ERBB4: variants seen among roughly 807,000 people sequenced by gnomAD.
ERBB4 encodes receptor tyrosine-protein kinase erbB-4.
Under a neutral mutation model 158.0 loss-of-function variants are expected in ERBB4, and 42 were observed. The ratio of observed to expected loss-of-function variants is 0.27; its 90% CI spans 0.21 to 0.34. ERBB4 has a LOEUF of 0.34. ERBB4 is among the 10% of genes least tolerant of loss of function. The pLI, the probability that ERBB4 is intolerant of heterozygous loss-of-function variation, is 1.00. For synonymous variants in ERBB4, 583 were observed against 558.7 expected, an observed-to-expected ratio of 1.04 and a Z score of -0.61; for missense variants, 1,333 against 1,624.1, an observed-to-expected ratio of 0.82 and a Z score of 3.08.
At chr2:212,189,514 C>T (rs978218337) in intron 1 of ERBB4, among the ~76,000 whole-genome samples, 7 of 152,142 alleles carry the variant, frequency 4.6e-5, no homozygotes, top group African/African-American at 1.7e-4. Context: ...CATTCCATCA[C>T]ATTCAATTTT....
intron 21 of ERBB4, among the ~76,000 whole-genome samples, chr2:211,429,347 A>G (rs1212117340): frequency 6.6e-6 from 1 of 152,034 alleles, no homozygotes; most frequent in East Asian, 1.9e-4. Context: ...CATGAATTCC[A>G]AAGTTAGCCT....
chr2:212,262,604 T>C (rs1269134246), intron 1 of ERBB4, among the ~76,000 whole-genome samples: 1 of 152,138 alleles, frequency 6.6e-6, no homozygotes, highest in Non-Finnish European at 1.5e-5. Context: ...GTTGGCAAAA[T>C]TTCGTCTCAC....
Position 211,890,721 on chromosome 2 carries a change from C to A in ERBB4, c.421+56709G>T, listed in dbSNP as rs993115668. On this transcript the variant is annotated intron_variant, in intron 3 of 27. Coordinates refer to ENST00000342788, the MANE Select transcript of ERBB4 (RefSeq NM_005235.3). ...AAAGGATGGAGGAAGATCTACCAAG[C>A]AAATGGGAAACAAAAAAAGGCAGGG... Among the ~76,000 whole-genome samples, 6 of 135,180 alleles carry A rather than the reference C, an allele frequency of 4.4e-5. No individual in the cohort carries two copies. In the East Asian group the frequency reaches 1.0e-3, roughly 23 times the overall value. The allele number at this position is 135,180 out of a possible 152,430, so 88.7% of individuals were successfully genotyped here.
chr2:212,041,400 C>T (rs1266036104), intron 2 of ERBB4, among the ~76,000 whole-genome samples: 1 of 151,964 alleles, frequency 6.6e-6, no homozygotes, highest in Non-Finnish European at 1.5e-5. Flanking sequence ...TACTAATCCT[C>T]TATCAGAAGG....
chr2:212,384,908 T>C (rs1011708371), intron 1 of ERBB4, among the ~76,000 whole-genome samples: 2 of 139,880 alleles, frequency 1.4e-5, no homozygotes, highest in Admixed American at 1.4e-4. Flanking sequence ...TATATATATA[T>C]ATATATATAT....
At chr2:212,430,365 T>A (rs141240734) in intron 1 of ERBB4, among the ~76,000 whole-genome samples, 1 of 151,854 alleles carries the variant, frequency 6.6e-6, no homozygotes, top group Non-Finnish European at 1.5e-5. Flanking sequence ...AGAAATTCCA[T>A]AAAATGAAAA....
At position 212,218,604 on chromosome 2, in the gene ERBB4, T is replaced by G. The variant is rs896410533; in HGVS notation, c.83-93701A>C. Among the ~76,000 whole-genome samples, 3 of 151,372 alleles carry G rather than the reference T, an allele frequency of 2.0e-5. No homozygotes were observed. The Admixed American group carries it at 2.0e-4, about 10-fold the overall frequency. ...AACCAGCTAATTGCCTTCAACACTG[T>G]TCATCATTAATCCAGAGATTGCCAT... On this transcript the variant is annotated intron_variant, in intron 1 of 27. Transcript: ENST00000342788.
intron 1 of ERBB4, among the ~76,000 whole-genome samples, chr2:212,299,458 T>C (rs2086540646): frequency 6.6e-6 from 1 of 151,624 alleles, no homozygotes; most frequent in African/African-American, 2.4e-5. Flanking sequence ...AGAAACCATA[T>C]AAAAAGGCAT....
intron 3 of ERBB4, among the ~76,000 whole-genome samples, chr2:211,881,868 T>G (rs1462780225): frequency 6.6e-6 from 1 of 152,172 alleles, no homozygotes; most frequent in African/African-American, 2.4e-5. Flanking sequence ...CAACGAACCT[T>G]GGATATTATC....
chr2:212,187,479 A>G (rs2082049638), intron 1 of ERBB4, among the ~76,000 whole-genome samples: 1 of 151,656 alleles, frequency 6.6e-6, no homozygotes, highest in Admixed American at 6.6e-5. Context: ...ATAATTATAC[A>G]AATTATATTG....
intron 1 of ERBB4, among the ~76,000 whole-genome samples, chr2:212,391,577 AT>A (rs1486538388): frequency 6.7e-6 from 1 of 148,448 alleles, no homozygotes. Flanking sequence ...AAAATTATGG[AT>A]TCTTCAAAGT....
intron 1 of ERBB4, among the ~76,000 whole-genome samples, chr2:212,385,672 G>A (rs2106423630): frequency 6.6e-6 from 1 of 151,762 alleles, no homozygotes; most frequent in South Asian, 2.1e-4. Context: ...AATCACAAGA[G>A]AAAAAGTAGT....
At chr2:211,811,736 ACTTCT>A (rs2076762076) in intron 3 of ERBB4, among the ~76,000 whole-genome samples, 1 of 150,206 alleles carries the variant, frequency 6.7e-6, no homozygotes, top group Non-Finnish European at 1.5e-5. Context: ...TTTTTTCTAA[ACTTCT>A]CTTCTCACTT....
intron 1 of ERBB4, among the ~76,000 whole-genome samples, chr2:212,450,376 T>G (rs13420607): frequency 0.11 from 16,615 of 152,178 alleles, 1,142 homozygotes; most frequent in Non-Finnish European, 0.16. Context: ...GAGCCCAGTA[T>G]AATCCTTTTC....
intron 1 of ERBB4, among the ~76,000 whole-genome samples, chr2:212,411,627 G>A (rs2091503500): frequency 6.6e-6 from 1 of 152,052 alleles, no homozygotes; most frequent in East Asian, 1.9e-4. Context: ...CTTGATTGGT[G>A]AGGATCTCGT....
intron 19 of ERBB4, among the ~76,000 whole-genome samples, chr2:211,581,282 T>C (rs1203604263): frequency 2.0e-5 from 3 of 151,802 alleles, no homozygotes; most frequent in South Asian, 2.1e-4. Context: ...AAACAATTAA[T>C]ATAGAAAAAT....
intron 16 of ERBB4, among the ~76,000 whole-genome samples, chr2:211,636,548 C>A (rs1235388931): frequency 6.6e-6 from 1 of 151,858 alleles, no homozygotes; most frequent in African/African-American, 2.4e-5. Flanking sequence ...AATTATTCAT[C>A]CCATTTTGGC....
At chr2:212,040,368 C>G (rs537610278) in intron 2 of ERBB4, among the ~76,000 whole-genome samples, 65 of 151,208 alleles carry the variant, frequency 4.3e-4, no homozygotes, top group Non-Finnish European at 2.9e-5. Flanking sequence ...ATATATTTTT[C>G]CTCATTTATG....
chr2:212,484,429 A>C (rs1689871639), intron 1 of ERBB4, among the ~76,000 whole-genome samples: 1 of 152,252 alleles, frequency 6.6e-6, no homozygotes. Flanking sequence ...TGAACATATA[A>C]GATTGTCAGA....
Sources: gnomAD v4.1 joint callset for allele counts (sites outside exome capture counted in the v4.1 genomes callset) on GRCh38, gnomAD v4.1.1 for gene constraint, MANE v1.5 for transcripts, NCBI Gene and HGNC (gene_info 2026-07-23, HGNC 2026-07-21) for gene names.